RSRC1: variants seen among roughly 807,000 people sequenced by gnomAD.
The protein encoded by RSRC1 is serine/Arginine-related protein 53.
Under a neutral mutation model 49.1 loss-of-function variants are expected in RSRC1, and 39 were observed. The observed-to-expected ratio is 0.79, with a 90% CI of 0.61 to 1.04. The LOEUF (loss-of-function observed/expected upper bound fraction) is 1.04, where lower values mean the gene tolerates loss of function less well. RSRC1 is among the 50% of genes least tolerant of loss of function. The pLI, the probability that RSRC1 is intolerant of heterozygous loss-of-function variation, is 0.00. For synonymous variants in RSRC1, 143 were observed against 130.8 expected, an observed-to-expected ratio of 1.09 and a Z score of -0.63; for missense variants, 388 against 402.4, an observed-to-expected ratio of 0.96 and a Z score of 0.31.
intron 4 of RSRC1, among the ~76,000 whole-genome samples, chr3:158,274,347 T>A (rs998439482): frequency 6.7e-6 from 1 of 150,076 alleles, no homozygotes; most frequent in East Asian, 2.0e-4. Context: ...GGAATGTTTC[T>A]TTCTGATTTT....
chr3:158,370,538 C>T (rs937437835), intron 6 of RSRC1, among the ~76,000 whole-genome samples: 2 of 151,832 alleles, frequency 1.3e-5, no homozygotes, highest in Admixed American at 6.6e-5. Context: ...TGTAGTCTTT[C>T]ACTTGGTGTA....
chr3:158,486,436 A>C (rs1738822479), intron 7 of RSRC1, among the ~76,000 whole-genome samples: 1 of 152,188 alleles, frequency 6.6e-6, no homozygotes. Context: ...TGTTCTAAAA[A>C]AGTTTGCAGC....
intron 7 of RSRC1, among the ~76,000 whole-genome samples, chr3:158,514,191 T>A (rs558970156): frequency 6.6e-6 from 1 of 152,348 alleles, no homozygotes; most frequent in Non-Finnish European, 1.5e-5. Flanking sequence ...CTTTTCTTGT[T>A]CTTTTAATTG....
At chr3:158,403,422 C>T (rs537097036) in intron 6 of RSRC1, among the ~76,000 whole-genome samples, 2 of 151,634 alleles carry the variant, frequency 1.3e-5, no homozygotes, top group Non-Finnish European at 3.0e-5. Flanking sequence ...AATTACTCTC[C>T]ATAGTATAGC....
intron 6 of RSRC1, among the ~76,000 whole-genome samples, chr3:158,407,775 C>T (rs2108316926): frequency 1.3e-5 from 2 of 152,214 alleles, no homozygotes; most frequent in Admixed American, 6.5e-5. Context: ...ATCCTGAGTA[C>T]TTCTTTTATA....
chr3:158,299,440 T>G (rs970965674), intron 5 of RSRC1, among the ~76,000 whole-genome samples: 3 of 152,068 alleles, frequency 2.0e-5, no homozygotes, highest in African/African-American at 7.2e-5. Flanking sequence ...TTCAAGTGAT[T>G]CTTCTGCCTC....
intron 6 of RSRC1, among the ~76,000 whole-genome samples, chr3:158,458,573 C>T (rs887611694): frequency 1.8e-4 from 28 of 152,148 alleles, no homozygotes; most frequent in African/African-American, 6.5e-4. Context: ...CTAGAGGGGA[C>T]AGTTAGCCGG....
chr3:158,332,881 T>G (rs1256934541), intron 5 of RSRC1, among the ~76,000 whole-genome samples: 2 of 152,120 alleles, frequency 1.3e-5, no homozygotes, highest in African/African-American at 4.8e-5. Flanking sequence ...TCTTTACATT[T>G]GAAAAATTGA....
chr3:158,265,878 G>A (rs1232619790), intron 4 of RSRC1, among the ~76,000 whole-genome samples: 2 of 152,122 alleles, frequency 1.3e-5, no homozygotes, highest in Non-Finnish European at 2.9e-5. Flanking sequence ...GACTTATGAT[G>A]TGAGGTAGGG....
At chr3:158,376,680 G>A (rs1442286105) in intron 6 of RSRC1, among the ~76,000 whole-genome samples, 1 of 152,148 alleles carries the variant, frequency 6.6e-6, no homozygotes, top group Non-Finnish European at 1.5e-5. Context: ...TCTACTTTGT[G>A]TGGTGTCAAG....
At chr3:158,296,406 TGGGA>T (rs1333301546) in intron 4 of RSRC1, among the ~76,000 whole-genome samples, 1 of 151,844 alleles carries the variant, frequency 6.6e-6, no homozygotes, top group Non-Finnish European at 1.5e-5. Context: ...GAGTCAGTGA[TGGGA>T]GGAAGACTTA....
At chr3:158,220,277 A>G (rs1722160665) in intron 4 of RSRC1, among the ~76,000 whole-genome samples, 4 of 151,578 alleles carry the variant, frequency 2.6e-5, no homozygotes, top group African/African-American at 9.7e-5. Flanking sequence ...GTAGAAAGGA[A>G]CTTGAAATAC....
intron 3 of RSRC1, among the ~76,000 whole-genome samples, chr3:158,188,781 A>G (rs1244926404): frequency 6.6e-6 from 1 of 151,944 alleles, no homozygotes; most frequent in Non-Finnish European, 1.5e-5. Context: ...TTAATCTTTC[A>G]AAGAATCAAC....
intron 6 of RSRC1, among the ~76,000 whole-genome samples, chr3:158,367,480 T>G (rs1324187830): frequency 6.6e-6 from 1 of 152,210 alleles, no homozygotes; most frequent in Non-Finnish European, 1.5e-5. Flanking sequence ...ATCCCAGGGA[T>G]GAAGCTGACT....
rs896541213 is a variant in RSRC1, at chr3:158,457,068, G to A, written c.584-3867G>A. ...AACATATCTGTGTCCTAAATACTGT[G>A]CTTACTGCTAAGGATACACAACACT... On this transcript the variant is annotated intron_variant, in intron 6 of 9. Transcript: ENST00000611884. 3.3e-5 allele frequency among the ~76,000 whole-genome samples: 5 copies of A among 152,156 alleles called. No individual in the cohort carries two copies. The East Asian group carries it at 9.7e-4, about 29-fold the overall frequency.
Position 158,217,642 on chromosome 3 carries a change from C to T in RSRC1, c.494+14397C>T, listed in dbSNP as rs1722018808. On this transcript the variant is annotated intron_variant, in intron 4 of 9. Coordinates refer to ENST00000611884, the MANE Select transcript of RSRC1 (RefSeq NM_001271838.2). ...TACCACCTAGCTGATGCCCTCCCTC[C>T]ATTTTGTCATTTATTCATCAAATGC... Among the ~76,000 whole-genome samples, 5 of 151,320 alleles carry T rather than the reference C, an allele frequency of 3.3e-5. No individual in the cohort carries two copies. In the South Asian group the frequency reaches 1.0e-3, roughly 31 times the overall value.
At chr3:158,529,789 C>G (rs1216322813) in intron 7 of RSRC1, among the ~76,000 whole-genome samples, 3 of 152,000 alleles carry the variant, frequency 2.0e-5, no homozygotes, top group Non-Finnish European at 2.9e-5. Context: ...TACCGCCTAA[C>G]TGTCATTTTG....
At chr3:158,435,771 G>A (rs9823076) in intron 6 of RSRC1, among the ~76,000 whole-genome samples, 78,188 of 151,318 alleles carry the variant, frequency 0.52, 20,612 homozygotes, top group South Asian at 0.6. Flanking sequence ...TATATAAAAC[G>A]TACATCTTCT....
chr3:158,464,646 T>A (rs908059646), intron 7 of RSRC1, among the ~76,000 whole-genome samples: 54 of 152,152 alleles, frequency 3.5e-4, no homozygotes, highest in African/African-American at 1.3e-3. Flanking sequence ...TAGCCTTAAT[T>A]TTATTTTTCT....
Sources: allele counts gnomAD v4.1 joint callset (sites outside exome capture counted in the v4.1 genomes callset), GRCh38; gene constraint gnomAD v4.1.1; transcripts MANE v1.5; gene names NCBI Gene and HGNC (gene_info 2026-07-23, HGNC 2026-07-21).